Variants in KIF11 observed in about 807,000 individuals in gnomAD.
The protein encoded by KIF11 is kinesin family member 11.
A neutral mutation model predicts 121.0 loss-of-function variants in KIF11; 9 were observed. That is an observed-to-expected ratio of 0.07 (90% CI 0.04 to 0.13). The LOEUF is 0.13. Among genes scored for constraint, KIF11 ranks in the 10% least tolerant of loss-of-function variants. The pLI is 1.00. For synonymous variants in KIF11, 408 were observed against 421.0 expected (o/e 0.97, Z 0.38); for missense variants, 846 against 1,217.5 (o/e 0.69, Z 4.54).
intron 1 of KIF11, among the ~76,000 whole-genome samples, chr10:92,600,726 C>G (rs188674706): frequency 6.6e-6 from 1 of 152,112 alleles, no homozygotes; most frequent in Non-Finnish European, 1.5e-5. Flanking sequence ...AGGCTGGTCT[C>G]AAACTCCTGA....
intron 18 of KIF11, 56 bp from the exon 19 acceptor site, chr10:92,648,156 A>T: frequency 8.2e-7 from 1 of 1,225,032 alleles, no homozygotes; most frequent in South Asian, 1.5e-5. Flanking sequence ...ATGATGTTGA[A>T]TAAAACACTG....
At chr10:92,651,283 C>T (rs1322239032) in intron 21 of KIF11, among the ~76,000 whole-genome samples, 1 of 152,060 alleles carries the variant, frequency 6.6e-6, no homozygotes, top group Non-Finnish European at 1.5e-5. Context: ...CCTCCTCGGC[C>T]TCCCAAAGTG....
chr10:92,641,042 C>T (rs1844860483), intron 17 of KIF11, among the ~76,000 whole-genome samples: 1 of 152,224 alleles, frequency 6.6e-6, no homozygotes, highest in Non-Finnish European at 1.5e-5. Flanking sequence ...GTCACTGCTC[C>T]CAGCCTGTAT....
chr10:92,597,094 T>C (rs1844304984), intron 1 of KIF11: 1 of 327,296 alleles, frequency 3.1e-6, no homozygotes, highest in South Asian at 3.1e-5. Flanking sequence ...TCCTGCATCT[T>C]TAGACCTTTC....
At chr10:92,604,017 C>T (rs1844403795) in intron 1 of KIF11, among the ~76,000 whole-genome samples, 1 of 152,154 alleles carries the variant, frequency 6.6e-6, no homozygotes, top group African/African-American at 2.4e-5. Flanking sequence ...CACTTCTCCA[C>T]AGGATAGGAC....
chr10:92,638,573 C>CA (rs1315829757), intron 16 of KIF11, among the ~76,000 whole-genome samples: 3 of 152,074 alleles, frequency 2.0e-5, no homozygotes, highest in African/African-American at 4.8e-5. Context: ...AAAAACAATA[C>CA]AAAAAAATCT....
chr10:92,651,501 A>T (rs1490295040), intron 21 of KIF11, among the ~76,000 whole-genome samples: 2 of 67,944 alleles, frequency 2.9e-5, no homozygotes, highest in African/African-American at 4.1e-5. Flanking sequence ...ATGCCTGGCT[A>T]ATTTTGTTTT....
chr10:92,594,041 A>G (rs532474143), intron 1 of KIF11, among the ~76,000 whole-genome samples: 12 of 152,290 alleles, frequency 7.9e-5, no homozygotes, highest in African/African-American at 2.9e-4. Flanking sequence ...TTCGAGATAA[A>G]GGGATGTGGA....
chr10:92,648,409 G>A lies in KIF11; in HGVS notation c.2745G>A (p.Gln915=). The change falls in exon 19 of 22, where the codon CAG becomes CAA. Residue 915 remains glutamine (Q), a synonymous_variant. Coordinates refer to ENST00000260731, the MANE Select transcript of KIF11 (RefSeq NM_004523.4). ...GLTKLNCFLE[Q]DLKLDIPTGT... ...CTAAGCTTAATTGCTTTCTGGAACA[G>A]GATCTGAAACTGGATATCCCAACAG... The A allele has an allele frequency of 6.2e-7, 1 of 1,605,194 alleles. No individual in the cohort carries two copies. The highest frequency in any genetic ancestry group is 2.2e-5 in the East Asian group (1 of 44,614).
chr10:92,651,507 G>GTATTTTTTCTTTTTTTTTTT (rs1554863366), intron 21 of KIF11, among the ~76,000 whole-genome samples: 1 of 52,956 alleles, frequency 1.9e-5, no homozygotes, highest in Non-Finnish European at 4.2e-5. Context: ...GGCTAATTTT[G>GTATTTTTTCTTTTTTTTTTT]TTTTTTTTTT....
At chr10:92,605,728 C>T (rs186881784) in intron 1 of KIF11, among the ~76,000 whole-genome samples, 3,166 of 152,254 alleles carry the variant, frequency 0.021, 50 homozygotes, top group Admixed American at 0.052. Flanking sequence ...TCAGGTGATC[C>T]GCCTGCCTCG....
At chr10:92,609,285 AGAGAGAGAGAGAGAGAGAGTGT>A (rs1224560586) in intron 5 of KIF11, 78 bp from the exon 6 acceptor site, 8 of 1,312,200 alleles carry the variant, frequency 6.1e-6, no homozygotes, top group African/African-American at 3.5e-5. Context: ...AGAGAGAGAG[AGAGAGAGAGAGAGAGAGAGTGT>A]GTGTGTGTGT....
intron 4 of KIF11, 99 bp from the exon 5 acceptor site, chr10:92,608,921 C>T: frequency 3.2e-6 from 2 of 626,512 alleles, no homozygotes; most frequent in Non-Finnish European, 2.6e-6. Context: ...CTTGCTTTGC[C>T]ATACTTATGT....
chr10:92,639,772 A>C, intron 16 of KIF11, 22 bp from the exon 17 acceptor site: 1 of 1,422,816 alleles, frequency 7.0e-7, no homozygotes, highest in Non-Finnish European at 9.8e-7. Flanking sequence ...AAGTCTCTTC[A>C]CTTCCCACAC....
intron 16 of KIF11, among the ~76,000 whole-genome samples, chr10:92,639,321 C>T (rs1020171271): frequency 6.6e-6 from 1 of 152,122 alleles, no homozygotes; most frequent in Non-Finnish European, 1.5e-5. Flanking sequence ...GATGTGATGG[C>T]TCATGTCTGT....
At position 92,605,516 on chromosome 10, in the gene KIF11, C is replaced by T. The variant is rs530061166; in HGVS notation, c.78-749C>T. 3.5e-3 allele frequency among the ~76,000 whole-genome samples: 375 copies of T among 105,962 alleles called. 2 individuals carry two copies. The highest frequency in any genetic ancestry group is 4.9e-3 in the Non-Finnish European group (278 of 57,168). The allele number at this position is 105,962 out of a possible 152,430, so 69.5% of individuals were successfully genotyped here. A position where few individuals can be genotyped will look rare whatever the true frequency, so the allele number is the denominator to read the frequency against. On this transcript the variant is annotated intron_variant, in intron 1 of 21. Transcript: ENST00000260731. Reference sequence around the variant, plus strand: ...TTTTTTTTTTTTTGAGACGGAGTTTCGCTCTTGTTGCCCAGGCTGGAGTGC... The same window carrying T: ...TTTTTTTTTTTTTGAGACGGAGTTTTGCTCTTGTTGCCCAGGCTGGAGTGC...
At position 92,637,187 on chromosome 10, in the gene KIF11, G is replaced by A; in HGVS notation, c.1879G>A (p.Val627Ile). The A allele has an allele frequency of 6.3e-7, 1 of 1,579,090 alleles. No homozygotes were observed. The highest frequency in any genetic ancestry group is 1.8e-4 in the Middle Eastern group (1 of 5,686). ...SKTVLQELIN[V>I]LKTDLLSSLE... is the part of the protein sequence containing the mutation. ...ATTTGTTTATTTCTGAAACCAGAAT[G>A]TACTCAAGACTGATCTTCTAAGTTC... The change falls in exon 15 of 22, where the codon GTA becomes ATA. Residue 627 changes from valine to isoleucine, a missense_variant. By Grantham distance (29) the Val-to-Ile change is conservative (BLOSUM62 3). This residue lies in a region of KIF11 where 492 missense variants were observed against 603.4 expected (regional missense o/e 0.82). Coordinates refer to ENST00000260731, the MANE Select transcript of KIF11 (RefSeq NM_004523.4).
At chr10:92,616,875 A>C in intron 9 of KIF11, 43 bp downstream of exon 9, 1 of 1,123,120 alleles carries the variant, frequency 8.9e-7, no homozygotes, top group Non-Finnish European at 1.3e-6. Flanking sequence ...TTGTTTGACA[A>C]ATGTGAAAAT....
At chr10:92,631,517 G>A (rs7078403) in intron 12 of KIF11, among the ~76,000 whole-genome samples, 18,879 of 147,500 alleles carry the variant, frequency 0.13, 3,231 homozygotes, top group African/African-American at 0.39. Context: ...GCCCGCCACC[G>A]CGCCCGGCTA....
Sources: gnomAD v4.1 joint callset for allele counts (sites outside exome capture counted in the v4.1 genomes callset) on GRCh38, gnomAD v4.1.1 for gene constraint, gnomAD v4.1.1 regional missense constraint, MANE v1.5 for transcripts, NCBI Gene and HGNC (gene_info 2026-07-23, HGNC 2026-07-21) for gene names.